Variants in GALNT13 observed in about 807,000 individuals in gnomAD.
The protein encoded by GALNT13 is UDP-GalNAc:polypeptide N-acetylgalactosaminyltransferase 13.
A neutral mutation model predicts 64.2 loss-of-function variants in GALNT13; 28 were observed. The observed-to-expected ratio is 0.44, with a 90% CI of 0.32 to 0.60. GALNT13 has a LOEUF of 0.60. Among genes scored for constraint, GALNT13 ranks in the 20% least tolerant of loss-of-function variants. The pLI, the probability that GALNT13 is intolerant of heterozygous loss-of-function variation, is 0.05. For synonymous variants in GALNT13, 214 were observed against 224.6 expected, an observed-to-expected ratio of 0.95 and a Z score of 0.42; for missense variants, 577 against 669.8, an observed-to-expected ratio of 0.86 and a Z score of 1.53.
the GALNT13 span, among the ~76,000 whole-genome samples, chr2:153,739,018 TATTC>T: frequency 1.2e-4 from 18 of 151,988 alleles, no homozygotes; most frequent in African/African-American, 4.3e-4. Flanking sequence ...TCTGTGTATC[TATTC>T]ATTCATCCAT....
At chr2:153,668,770 AC>A in the GALNT13 span, among the ~76,000 whole-genome samples, 3 of 152,132 alleles carry the variant, frequency 2.0e-5, no homozygotes, top group African/African-American at 4.8e-5. Flanking sequence ...TAGGATCCCC[AC>A]ACACTTGAGA....
At chr2:154,122,138 G>T (rs1417929761) in intron 3 of GALNT13, among the ~76,000 whole-genome samples, 3 of 151,858 alleles carry the variant, frequency 2.0e-5, no homozygotes, top group Non-Finnish European at 4.4e-5. Context: ...TTATGTGGTG[G>T]ATTTCATTCA....
At chr2:153,090,735 C>G in the GALNT13 span, among the ~76,000 whole-genome samples, 1 of 152,102 alleles carries the variant, frequency 6.6e-6, no homozygotes, top group Non-Finnish European at 1.5e-5. Context: ...GAAATACCAT[C>G]AAGTGGGGGC....
chr2:153,116,124 T>C, the GALNT13 span, among the ~76,000 whole-genome samples: 1 of 152,192 alleles, frequency 6.6e-6, no homozygotes, highest in African/African-American at 2.4e-5. Flanking sequence ...AAATTAGTAA[T>C]AAGCCAATCT....
chr2:153,191,661 G>A, the GALNT13 span, among the ~76,000 whole-genome samples: 6 of 151,232 alleles, frequency 4.0e-5, no homozygotes, highest in Admixed American at 6.6e-5. Flanking sequence ...TTATAACTTC[G>A]GTAGAAGTTG....
intron 3 of GALNT13, among the ~76,000 whole-genome samples, chr2:154,022,924 T>G (rs763465945): frequency 2.6e-5 from 4 of 152,214 alleles, no homozygotes; most frequent in Non-Finnish European, 5.9e-5. Flanking sequence ...TCAAAGAACA[T>G]CTTTATTTCT....
chr2:153,078,297 T>C, the GALNT13 span, among the ~76,000 whole-genome samples: 13,376 of 151,530 alleles, frequency 0.088, 1,017 homozygotes, highest in African/African-American at 0.19. Flanking sequence ...AATAAAGAAT[T>C]GATAGTTCTT....
At chr2:153,361,808 C>A in the GALNT13 span, among the ~76,000 whole-genome samples, 43 of 152,094 alleles carry the variant, frequency 2.8e-4, no homozygotes, top group African/African-American at 9.9e-4. Context: ...CTTCAGGATA[C>A]TATCCAGGAA....
intron 11 of GALNT13, among the ~76,000 whole-genome samples, chr2:154,415,245 A>T (rs559084488): frequency 6.6e-6 from 1 of 152,194 alleles, no homozygotes; most frequent in Non-Finnish European, 1.5e-5. Flanking sequence ...CACTGTAACA[A>T]TTTTAAAAAT....
chr2:153,912,950 G>A (rs1689059261), intron 2 of GALNT13, among the ~76,000 whole-genome samples: 1 of 152,192 alleles, frequency 6.6e-6, no homozygotes, highest in Admixed American at 6.5e-5. Flanking sequence ...GTGGCAGGGT[G>A]GTAGTGGGTG....
chr2:153,774,138 G>A, the GALNT13 span, among the ~76,000 whole-genome samples: 6 of 151,988 alleles, frequency 3.9e-5, no homozygotes, highest in African/African-American at 1.4e-4. Flanking sequence ...AGAAACTATG[G>A]TATATTTACA....
At chr2:153,815,849 C>A in the GALNT13 span, among the ~76,000 whole-genome samples, 2 of 152,132 alleles carry the variant, frequency 1.3e-5, no homozygotes, top group African/African-American at 4.8e-5. Context: ...TAAGAAAAGT[C>A]TTCACATCAG....
intron 4 of GALNT13, among the ~76,000 whole-genome samples, chr2:154,200,180 T>A (rs768996077): frequency 2.0e-5 from 3 of 152,104 alleles, no homozygotes; most frequent in Non-Finnish European, 4.4e-5. Context: ...CATAAAATTA[T>A]ATTTTGTCTT....
chr2:153,315,443 C>T, the GALNT13 span, among the ~76,000 whole-genome samples: 2 of 152,190 alleles, frequency 1.3e-5, no homozygotes, highest in African/African-American at 2.4e-5. Context: ...CCTGGGTGAG[C>T]AGGTTTAACC....
intron 2 of GALNT13, among the ~76,000 whole-genome samples, chr2:153,941,801 C>T (rs961352744): frequency 2.0e-5 from 3 of 152,098 alleles, no homozygotes; most frequent in South Asian, 2.1e-4. Context: ...AGGTAAATTT[C>T]CAAATTAAAA....
the GALNT13 span, among the ~76,000 whole-genome samples, chr2:153,234,860 A>T: frequency 6.6e-6 from 1 of 152,202 alleles, no homozygotes. Context: ...AGCCAGGCAT[A>T]TAAGGCTAAA....
At chr2:153,975,014 C>T (rs996244811) in intron 3 of GALNT13, among the ~76,000 whole-genome samples, 6 of 152,078 alleles carry the variant, frequency 3.9e-5, no homozygotes, top group African/African-American at 1.4e-4. Context: ...ATTTTATACC[C>T]ATTCCTTTAT....
the GALNT13 span, among the ~76,000 whole-genome samples, chr2:153,752,833 T>G: frequency 6.6e-6 from 1 of 152,174 alleles, no homozygotes; most frequent in Admixed American, 6.5e-5. Flanking sequence ...GAATAAACTT[T>G]GTACCTGTAT....
the GALNT13 span, among the ~76,000 whole-genome samples, chr2:153,334,747 G>T: frequency 6.6e-6 from 1 of 152,068 alleles, no homozygotes; most frequent in African/African-American, 2.4e-5. Context: ...GAAATATTTT[G>T]ATTACATATT....
Sources: gnomAD v4.1 joint callset for allele counts (sites outside exome capture counted in the v4.1 genomes callset) on GRCh38, gnomAD v4.1.1 for gene constraint, MANE v1.5 for transcripts, NCBI Gene and HGNC (gene_info 2026-07-23, HGNC 2026-07-21) for gene names.